PPL: variants seen among roughly 807,000 people sequenced by gnomAD.
PPL encodes periplakin.
Under a neutral mutation model 194.4 loss-of-function variants are expected in PPL, and 198 were observed. That is an observed-to-expected ratio of 1.02 (90% CI 0.91 to 1.15). PPL has a LOEUF of 1.15. Among genes scored for constraint, PPL ranks in the 50% most tolerant of loss-of-function variants. PPL has a pLI of 0.00. For missense variants in PPL, 2,885 were observed against 2,294.8 expected, an observed-to-expected ratio of 1.26 and a Z score of -5.25; for synonymous variants, 1,220 against 972.4, an observed-to-expected ratio of 1.25 and a Z score of -4.74.
At position 4,890,738 on chromosome 16, in the gene PPL, C is replaced by T. The variant is rs1468040228; in HGVS notation, c.2152G>A (p.Val718Met). Residue 718 changes from valine to methionine, a missense_variant, in exon 17 of 22, where the codon GTG becomes ATG. Val to Met is a conservative substitution (Grantham distance 21). Coordinates refer to ENST00000345988, the MANE Select transcript of PPL (RefSeq NM_002705.5). ...CCACCGCACCCTCACCTGCGTTCCA[C>T]CTGCTGGCGCAGGTTGTTGAAACGC... ...GQRFNNLRQQ[V>M]ERRAQSLQSA... The T allele has an allele frequency of 1.2e-5, 20 of 1,606,036 alleles. No homozygotes were observed. The highest frequency in any genetic ancestry group is 1.6e-5 in the Non-Finnish European group (19 of 1,177,084).
At position 4,901,038 on chromosome 16, in the gene PPL, G is replaced by T. The variant is rs761415266; in HGVS notation, c.490C>A (p.Gln164Lys). ...TGGAAGATGTTATGCTCCTCCACTT[G>T]GTGGTCCACCAGCGGCAGGTCAGTC... ...FGTDLPLVDHQVEEHNIFHNE... is the reference protein window; with the variant it reads ...FGTDLPLVDHKVEEHNIFHNE... Residue 164 changes from glutamine to lysine, a missense_variant, in exon 5 of 22, where the codon CAA (glutamine) becomes AAA (lysine). By Grantham distance (53) the Gln-to-Lys change is moderately conservative. Transcript: ENST00000345988. 8.7e-6 allele frequency: 14 copies of T among 1,614,178 alleles called. No individual in the cohort carries two copies. The highest frequency in any genetic ancestry group is 1.7e-5 in the Admixed American group (1 of 60,028).
In PPL at chr16:4,890,857, G is replaced by T. The variant is rs374905578; in HGVS notation, c.2033C>A (p.Ala678Glu). 6.4e-7 allele frequency: 1 copy of T among 1,558,708 alleles called. No homozygotes were observed. Among genetic ancestry groups the T allele is most frequent in the Non-Finnish European group, 8.7e-7 (1 of 1,150,504 alleles). ...CAGTGTGCTCGAGCACTGCTTGGCC[G>T]CCTGCAAGTTCTGCTCCACCTCACC... ...LLGEVEQNLQ[A>E]AKQCSSTLAS... The change falls in exon 17 of 22, where the codon GCG (alanine) becomes GAG (glutamate). Residue 678 changes from alanine to glutamate, a missense_variant. Physicochemically the swap from Ala to Glu is moderately radical, Grantham distance 107. Transcript: ENST00000345988.
At chr16:4,926,641 C>T (rs1044973772) in intron 1 of PPL, among the ~76,000 whole-genome samples, 2 of 151,982 alleles carry the variant, frequency 1.3e-5, no homozygotes, top group African/African-American at 2.4e-5. Context: ...TTTGGGAGGC[C>T]GAGGCGGGCA....
At position 4,885,960 on chromosome 16, in the gene PPL, G is replaced by T; in HGVS notation, c.2695C>A (p.Leu899Met). The part of the protein sequence containing the change: ...VEEAWKIRKE[L>M]DEETERRRQL... ...CGCCTCCGCTCAGTCTCCTCATCCA[G>T]TTCCTTCCTGATCTTCCACGCCTCC... Residue 899 changes from leucine to methionine, a missense_variant, in exon 22 of 22, where the codon CTG (leucine) becomes ATG (methionine). By Grantham distance (15) the Leu-to-Met change is conservative (BLOSUM62 2). Transcript: ENST00000345988. This position sits in a 1 kb window ranked among gnomAD's most constrained non-coding sequence, Gnocchi z 6.3. 1 of 1,613,668 alleles carries T rather than the reference G, an allele frequency of 6.2e-7. No individual in the cohort carries two copies. The highest frequency in any genetic ancestry group is 8.5e-7 in the Non-Finnish European group (1 of 1,180,038).
Position 4,884,784 on chromosome 16 carries a change from C to T in PPL, c.3871G>A (p.Val1291Met), listed in dbSNP as rs533695940. The T allele has an allele frequency of 6.2e-7, 1 of 1,614,154 alleles. No homozygotes were observed. Among genetic ancestry groups the T allele is most frequent in the Non-Finnish European group, 8.5e-7 (1 of 1,180,034 alleles). ...DTKPQVQTKE[V>M]VQEILQFQED... ...TGGAATTGGAGGATCTCCTGGACCACCTCTTTGGTCTGGACCTGGGGTTTG... is the reference window on the plus strand; with the variant it reads ...TGGAATTGGAGGATCTCCTGGACCATCTCTTTGGTCTGGACCTGGGGTTTG... Residue 1291 changes from valine to methionine, a missense_variant, in exon 22 of 22, where the codon GTG (valine) becomes ATG (methionine). Transcript: ENST00000345988. The surrounding 1 kb of genome is among the most constrained non-coding windows in gnomAD (Gnocchi z 5.7).
At chr16:4,894,066 G>A (rs1240618070) in intron 12 of PPL, among the ~76,000 whole-genome samples, 1 of 152,182 alleles carries the variant, frequency 6.6e-6, no homozygotes, top group South Asian at 2.1e-4. Flanking sequence ...TGAGACTGAC[G>A]CATACGCTAG....
intron 2 of PPL, among the ~76,000 whole-genome samples, chr16:4,910,311 T>C (rs1018902843): frequency 2.6e-5 from 4 of 152,180 alleles, no homozygotes; most frequent in African/African-American, 9.7e-5. Flanking sequence ...TTGACGATAA[T>C]AGCCCTGTCC....
rs142537206 is a variant in PPL, at chr16:4,906,288, G to C, written c.163-2248C>G. 6.1e-3 allele frequency among the ~76,000 whole-genome samples: 932 copies of C among 152,130 alleles called. 12 individuals are homozygous for C. Among genetic ancestry groups the C allele is most frequent in the African/African-American group, 0.022 (898 of 41,490 alleles). ...TGCCCAGGCTGGAGTGCAGTGGCAC[G>C]ATCTCGGCTCACTGCAAGCTCTGCC... On this transcript the variant is annotated intron_variant, in intron 2 of 21. Transcript: ENST00000345988.
chr16:4,894,744 A>G (rs1568004036), intron 11 of PPL, 126 bp from the exon 12 acceptor site: 8 of 1,067,482 alleles, frequency 7.5e-6, no homozygotes, highest in Non-Finnish European at 1.1e-5. Context: ...CCCTCCCCGT[A>G]GAGTGGGGAG....
chr16:4,902,715 A>G lies in PPL; in HGVS notation c.318-189T>C. On this transcript the variant is annotated intron_variant, in intron 3 of 21. Transcript: ENST00000345988. This position sits in a 1 kb window ranked among gnomAD's most constrained non-coding sequence, Gnocchi z 4.0. The stretch of plus-strand genomic sequence containing the variant: ...CACTTTTTTTTTTTTTTTGAGACAG[A>G]GTCTTGCTCTGTCACCCAGGCTGGA... Among the ~76,000 whole-genome samples the G allele has an allele frequency of 6.8e-6, 1 of 147,230 alleles. No homozygotes were observed. The highest frequency in any genetic ancestry group is 2.5e-5 in the African/African-American group (1 of 39,756).
chr16:4,893,813 C>G (rs1044781356), intron 12 of PPL, 175 bp from the exon 13 acceptor site: 20 of 591,034 alleles, frequency 3.4e-5, no homozygotes, highest in Non-Finnish European at 5.1e-5. Flanking sequence ...GGGCTCAGAG[C>G]TCTTCTCCCT....
chr16:4,901,345 G>A (rs568682351), intron 4 of PPL, among the ~76,000 whole-genome samples: 2 of 152,314 alleles, frequency 1.3e-5, no homozygotes, highest in Non-Finnish European at 2.9e-5. Flanking sequence ...AGGACACAGA[G>A]GCTGAGGCTG....
chr16:4,908,002 AAAT>A (rs1475159542), intron 2 of PPL, among the ~76,000 whole-genome samples: 1 of 151,828 alleles, frequency 6.6e-6, no homozygotes, highest in Admixed American at 6.6e-5. Flanking sequence ...GAAAATAAAT[AAAT>A]AAATAAATTA....
intron 21 of PPL, 59 bp from the exon 22 acceptor site, chr16:4,886,106 T>A: frequency 1.9e-6 from 3 of 1,602,596 alleles, no homozygotes; most frequent in Non-Finnish European, 2.5e-6. Context: ...ATGTAGGGCC[T>A]GTCCCCACCT....
At chr16:4,917,234 C>G (rs1303117742) in intron 1 of PPL, among the ~76,000 whole-genome samples, 5 of 152,200 alleles carry the variant, frequency 3.3e-5, no homozygotes, top group Non-Finnish European at 7.3e-5. Flanking sequence ...TCATAATAGC[C>G]TTTTGGCCTC....
At chr16:4,920,333 A>AAGAGAGAGAG (rs1162923677) in intron 1 of PPL, among the ~76,000 whole-genome samples, 7 of 73,786 alleles carry the variant, frequency 9.5e-5, no homozygotes, top group African/African-American at 2.3e-4. Context: ...GAAAGAAAGA[A>AAGAGAGAGAG]AGAGAGAGAG....
At chr16:4,923,177 C>T (rs2089085266) in intron 1 of PPL, among the ~76,000 whole-genome samples, 1 of 152,190 alleles carries the variant, frequency 6.6e-6, no homozygotes, top group Non-Finnish European at 1.5e-5. Context: ...CAACAGATCC[C>T]TGAGACCTGT....
At chr16:4,891,339 C>T (rs1190198150) in intron 16 of PPL, 2 of 176,982 alleles carry the variant, frequency 1.1e-5, no homozygotes, top group Admixed American at 6.2e-5. Context: ...AAGGCAGCTG[C>T]TCCTCTGCCC....
chr16:4,896,273 C>G (rs1486391261), intron 9 of PPL, among the ~76,000 whole-genome samples: 1 of 152,108 alleles, frequency 6.6e-6, no homozygotes, highest in African/African-American at 2.4e-5. Flanking sequence ...TCCCCAGACA[C>G]CTCAATCCTA....
Sources: gnomAD v4.1 joint callset for allele counts (sites outside exome capture counted in the v4.1 genomes callset) on GRCh38, gnomAD v4.1.1 for gene constraint, Gnocchi (gnomAD v3.1) non-coding constraint, MANE v1.5 for transcripts, NCBI Gene and HGNC (gene_info 2026-07-23, HGNC 2026-07-21) for gene names.